The following SLC8A3 variants were observed in gnomAD, a reference collection of about 807,000 sequenced individuals.
SLC8A3 encodes the protein sodium/calcium exchanger 3.
SLC8A3 carries 37 observed loss-of-function variants against 65.4 expected under a neutral mutation model. The observed-to-expected ratio is 0.57, with a 90% CI of 0.44 to 0.74. The LOEUF (loss-of-function observed/expected upper bound fraction) is 0.74. SLC8A3 is among the 30% of genes least tolerant of loss of function. SLC8A3 has a pLI of 0.00. For synonymous variants in SLC8A3, 461 were observed against 444.5 expected, an observed-to-expected ratio of 1.04 and a Z score of -0.47; for missense variants, 1,112 against 1,172.1, an observed-to-expected ratio of 0.95 and a Z score of 0.75.
intron 2 of SLC8A3, among the ~76,000 whole-genome samples, chr14:70,133,363 C>T (rs1894974325): frequency 6.6e-6 from 1 of 152,164 alleles, no homozygotes; most frequent in African/African-American, 2.4e-5. Flanking sequence ...GGTCAGTCCA[C>T]AGGCAGTAAG....
intron 2 of SLC8A3, chr14:70,063,963 A>T (rs754963656): frequency 8.4e-7 from 1 of 1,193,954 alleles, no homozygotes. Context: ...ATAAGCAAGG[A>T]GTAGAGTGTA....
At chr14:70,129,154 C>G (rs527323816) in intron 2 of SLC8A3, among the ~76,000 whole-genome samples, 13 of 152,320 alleles carry the variant, frequency 8.5e-5, no homozygotes, top group African/African-American at 3.1e-4. Flanking sequence ...ACACCCTTCT[C>G]AAGCTTGGAA....
At chr14:70,183,676 G>A (rs1160719033) in intron 1 of SLC8A3, among the ~76,000 whole-genome samples, 2 of 152,190 alleles carry the variant, frequency 1.3e-5, no homozygotes, top group Admixed American at 6.5e-5. Flanking sequence ...TCCTAGAAGG[G>A]TATCTCTGGT....
intron 2 of SLC8A3, among the ~76,000 whole-genome samples, chr14:70,145,127 G>A (rs577975633): frequency 1.3e-5 from 2 of 152,176 alleles, no homozygotes; most frequent in African/African-American, 4.8e-5. Context: ...AAATGAAAAA[G>A]CATAATTCTT....
At chr14:70,087,010 G>A (rs551830309) in intron 2 of SLC8A3, among the ~76,000 whole-genome samples, 9 of 152,198 alleles carry the variant, frequency 5.9e-5, no homozygotes, top group Non-Finnish European at 7.3e-5. Flanking sequence ...GGCCCTGATC[G>A]ACTGGAGGCA....
chr14:70,112,679 T>C (rs1052714334), intron 2 of SLC8A3, among the ~76,000 whole-genome samples: 4 of 152,208 alleles, frequency 2.6e-5, no homozygotes, highest in Non-Finnish European at 4.4e-5. Flanking sequence ...TGAAACAATA[T>C]ACATTTATTG....
At chr14:70,064,930 C>A (rs1481535288) in intron 2 of SLC8A3, among the ~76,000 whole-genome samples, 1 of 152,046 alleles carries the variant, frequency 6.6e-6, no homozygotes, top group African/African-American at 2.4e-5. Context: ...TTGCTTACTG[C>A]AGGGACATTT....
At chr14:70,132,458 A>G (rs1894902851) in intron 2 of SLC8A3, among the ~76,000 whole-genome samples, 1 of 152,224 alleles carries the variant, frequency 6.6e-6, no homozygotes, top group Admixed American at 6.5e-5. Flanking sequence ...GAGGATCTGC[A>G]GCCAAACTGA....
At chr14:70,165,530 G>A (rs7148926) in intron 2 of SLC8A3, among the ~76,000 whole-genome samples, 2 of 152,214 alleles carry the variant, frequency 1.3e-5, no homozygotes, top group East Asian at 1.9e-4. Flanking sequence ...CTCCTGCCAC[G>A]CTTATTATTT....
intron 2 of SLC8A3, among the ~76,000 whole-genome samples, chr14:70,161,868 T>C (rs1287288824): frequency 6.6e-6 from 1 of 152,250 alleles, no homozygotes; most frequent in Non-Finnish European, 1.5e-5. Flanking sequence ...GTTAAAACAT[T>C]ACAGAGAAAG....
rs759277151 is a variant in SLC8A3, at chr14:70,168,363, G to A, written c.60C>T (p.Thr20=). 3 of 1,614,032 alleles carry A rather than the reference G, an allele frequency of 1.9e-6. No individual in the cohort carries two copies. In the East Asian group the frequency reaches 6.7e-5, roughly 36 times the overall value. ...GAAGACCATTCAGGAAGAGCACAAA[G>A]GTAACCAGCCCAAAATGGAGGAAGG... ...TSAFLHFGLV[T]FVLFLNGLRA... is the part of the protein sequence containing the mutation. The change falls in exon 2 of 7, where the codon ACC becomes ACT. Residue 20 remains threonine (T), a synonymous_variant. Transcript: ENST00000356921.
chr14:70,112,656 C>A (rs1354299819), intron 2 of SLC8A3, among the ~76,000 whole-genome samples: 2 of 152,164 alleles, frequency 1.3e-5, no homozygotes, highest in Non-Finnish European at 2.9e-5. Context: ...AAAGTACCAC[C>A]AACTGGATGG....
chr14:70,056,749 C>T (rs1054099395), intron 3 of SLC8A3, among the ~76,000 whole-genome samples: 1 of 152,198 alleles, frequency 6.6e-6, no homozygotes. Context: ...ATACCAACAG[C>T]TATACATAGA....
intron 2 of SLC8A3, among the ~76,000 whole-genome samples, chr14:70,133,368 A>G (rs1427370662): frequency 2.0e-5 from 3 of 152,302 alleles, no homozygotes; most frequent in African/African-American, 7.2e-5. Context: ...GTCCACAGGC[A>G]GTAAGCTCTG....
intron 1 of SLC8A3, among the ~76,000 whole-genome samples, chr14:70,173,243 T>TC (rs1239771328): frequency 6.6e-6 from 1 of 152,078 alleles, no homozygotes; most frequent in African/African-American, 2.4e-5. Flanking sequence ...AGCAGGAAGG[T>TC]CAGATAGAAC....
At chr14:70,112,136 A>G (rs1212466701) in intron 2 of SLC8A3, among the ~76,000 whole-genome samples, 2 of 152,200 alleles carry the variant, frequency 1.3e-5, no homozygotes, top group Non-Finnish European at 2.9e-5. Flanking sequence ...GAGAGTGGAA[A>G]GGGAGAGGGA....
chr14:70,161,237 C>T (rs1054747314), intron 2 of SLC8A3, among the ~76,000 whole-genome samples: 18 of 121,168 alleles, frequency 1.5e-4, no homozygotes, highest in African/African-American at 5.1e-4. Flanking sequence ...TTGCAGTGAG[C>T]CGAGATGTGC....
intron 2 of SLC8A3, among the ~76,000 whole-genome samples, chr14:70,125,257 T>TA (rs1209944682): frequency 6.6e-6 from 1 of 152,236 alleles, no homozygotes; most frequent in Admixed American, 6.5e-5. Context: ...TGTGGGCTTT[T>TA]AGTGTATTCA....
chr14:70,176,612 C>A (rs909120176), intron 1 of SLC8A3, among the ~76,000 whole-genome samples: 2 of 152,204 alleles, frequency 1.3e-5, no homozygotes, highest in Non-Finnish European at 2.9e-5. Flanking sequence ...GCAGATCATG[C>A]GTTGACGCAC....
Sources: allele counts gnomAD v4.1 joint callset (sites outside exome capture counted in the v4.1 genomes callset), GRCh38; gene constraint gnomAD v4.1.1; transcripts MANE v1.5; gene names NCBI Gene and HGNC (gene_info 2026-07-23, HGNC 2026-07-21).